MID1: variants seen among roughly 807,000 people sequenced by gnomAD.
MID1 encodes the protein midline 1, also known as E3 ubiquitin-protein ligase Midline-1.
MID1 carries 7 observed loss-of-function variants against 40.4 expected under a neutral mutation model. The observed-to-expected ratio is 0.17, with a 90% CI of 0.10 to 0.33. The LOEUF (loss-of-function observed/expected upper bound fraction) is 0.33, where lower values mean the gene tolerates loss of function less well. Ranked by LOEUF, MID1 falls within the 10% of genes least tolerant of loss-of-function variation. The pLI is 1.00. For missense variants in MID1, 367 were observed against 558.5 expected (o/e 0.66, Z 3.46); for synonymous variants, 229 against 221.2 (o/e 1.04, Z -0.31).
intron 1 of MID1, among the ~76,000 whole-genome samples, chrX:10,592,739 C>T (rs1307029162): frequency 9.0e-6 from 1 of 110,780 alleles, no homozygotes; most frequent in Admixed American, 9.6e-5. Context: ...AAACACCCTC[C>T]AAGAAATAAG....
At chrX:10,622,535 C>A (rs1291405623), upstream of MID1, among the ~76,000 whole-genome samples, 1 of 111,916 alleles carries the variant, frequency 8.9e-6, no homozygotes, top group Non-Finnish European at 1.9e-5. Context: ...ATCTTCTATG[C>A]CCTTAAAGCA....
intron 1 of MID1, among the ~76,000 whole-genome samples, chrX:10,804,562 TTGAG>T (rs1366769300): frequency 1.6e-4 from 18 of 111,593 alleles, no homozygotes; most frequent in African/African-American, 5.9e-4. Context: ...TAAATCGAGT[TTGAG>T]TATTTCCGTT....
At chrX:10,806,914 T>TA (rs372083128) in intron 1 of MID1, among the ~76,000 whole-genome samples, 3,471 of 111,189 alleles carry the variant, frequency 0.031, 152 homozygotes, top group African/African-American at 0.11. Context: ...TATTCAGAAT[T>TA]AAAAAAAACA....
Position 10,448,995 on chromosome X carries a change from A to G in MID1, c.*373T>C, listed in dbSNP as rs1312353054. 6.3e-6 allele frequency: 1 copy of G among 159,416 alleles called. No individual in the cohort carries two copies. The highest frequency in any genetic ancestry group is 3.1e-5 in the African/African-American group (1 of 32,388). 13.1% of individuals were successfully genotyped at this position (159,416 alleles called of 1,213,427 possible). On this transcript the variant is annotated 3_prime_UTR_variant, in exon 10 of 10. Transcript: ENST00000317552. ...AAGATGAGTAACATACAAAACTACA[A>G]AAGTTTTTGTTTTTTTGTAAGCCCA...
At chrX:10,517,801 G>C (rs1371828601) in intron 3 of MID1, among the ~76,000 whole-genome samples, 1 of 112,515 alleles carries the variant, frequency 8.9e-6, no homozygotes, top group Non-Finnish European at 1.9e-5. Context: ...GGCAGGCTCA[G>C]ATCTTGCGCT....
intron 1 of MID1, among the ~76,000 whole-genome samples, chrX:10,689,271 G>A (rs774311320): frequency 1.1e-4 from 12 of 111,687 alleles, no homozygotes; most frequent in East Asian, 2.8e-4. Context: ...GAAACTTAAC[G>A]ATCATGGTGT....
chrX:10,691,930 T>G (rs906560746), intron 1 of MID1, among the ~76,000 whole-genome samples: 6 of 111,413 alleles, frequency 5.4e-5, no homozygotes, highest in Non-Finnish European at 1.1e-4. Context: ...GGAGTGTCTG[T>G]CTCATGCTGT....
chrX:10,589,198 T>C (rs1602443509), intron 1 of MID1, among the ~76,000 whole-genome samples: 1 of 111,441 alleles, frequency 9.0e-6, no homozygotes, highest in East Asian at 2.8e-4. Flanking sequence ...ATCCAGGCAA[T>C]CCAAGTATCA....
chrX:10,762,496 C>T (rs1211033932), intron 1 of MID1, among the ~76,000 whole-genome samples: 1 of 108,680 alleles, frequency 9.2e-6, no homozygotes, highest in Non-Finnish European at 1.9e-5. Context: ...TTTTTTTTTC[C>T]AATATCGGCT....
chrX:10,793,219 C>T (rs898505084), intron 1 of MID1, among the ~76,000 whole-genome samples: 4 of 112,518 alleles, frequency 3.6e-5, no homozygotes, highest in African/African-American at 1.3e-4. Flanking sequence ...AACAGATTTG[C>T]TTGGACATCA....
chrX:10,650,971 T>C (rs1602496377), intron 1 of MID1, among the ~76,000 whole-genome samples: 1 of 111,678 alleles, frequency 9.0e-6, no homozygotes, highest in Admixed American at 9.5e-5. Context: ...TAAAAGTTAG[T>C]AGATGTGTTA....
chrX:10,520,054 A>G (rs1260789626), intron 3 of MID1, among the ~76,000 whole-genome samples: 1 of 112,333 alleles, frequency 8.9e-6, no homozygotes, highest in Non-Finnish European at 1.9e-5. Context: ...GACAAACATC[A>G]TTGTGTTGCA....
chrX:10,772,212 A>G (rs906932041), intron 1 of MID1, among the ~76,000 whole-genome samples: 1 of 110,982 alleles, frequency 9.0e-6, no homozygotes, highest in East Asian at 2.8e-4. Flanking sequence ...CATATATATG[A>G]TGGAATACTA....
chrX:10,714,745 G>A (rs988349449), intron 1 of MID1, among the ~76,000 whole-genome samples: 1 of 111,783 alleles, frequency 8.9e-6, no homozygotes, highest in Non-Finnish European at 1.9e-5. Context: ...ATGAAGCAAC[G>A]TCTGGTAGGG....
chrX:10,802,814 GTACATT>G (rs2044018474), intron 1 of MID1, among the ~76,000 whole-genome samples: 1 of 111,662 alleles, frequency 9.0e-6, no homozygotes, highest in East Asian at 2.8e-4. Context: ...AGAAAATGTG[GTACATT>G]TACACCATGA....
chrX:10,456,031 A>G (rs1292806968), intron 8 of MID1, among the ~76,000 whole-genome samples: 1 of 112,424 alleles, frequency 8.9e-6, no homozygotes, highest in African/African-American at 3.2e-5. Flanking sequence ...AACCTGATAC[A>G]AATGCCATGG....
At chrX:10,521,925 G>A (rs753297854) in intron 3 of MID1, among the ~76,000 whole-genome samples, 130 of 111,779 alleles carry the variant, frequency 1.2e-3, no homozygotes, top group African/African-American at 3.6e-3. Flanking sequence ...CTGCAGCCTC[G>A]ATTTCCCAGG....
intron 1 of MID1, among the ~76,000 whole-genome samples, chrX:10,604,679 T>C (rs1421746232): frequency 1.8e-5 from 2 of 112,491 alleles, no homozygotes; most frequent in African/African-American, 6.4e-5. Flanking sequence ...AGGGCTCTGA[T>C]GAGATTTAGT....
intron 3 of MID1, among the ~76,000 whole-genome samples, chrX:10,516,623 CGT>C (rs1932460258): frequency 9.9e-6 from 1 of 101,109 alleles, no homozygotes; most frequent in Non-Finnish European, 2.0e-5. Context: ...CGCGCGCACG[CGT>C]GTGTTTTAAG....
Sources: allele counts gnomAD v4.1 joint callset (sites outside exome capture counted in the v4.1 genomes callset), GRCh38; gene constraint gnomAD v4.1.1; transcripts MANE v1.5; gene names NCBI Gene and HGNC (gene_info 2026-07-23, HGNC 2026-07-21).